Variants in KANK1 observed in about 807,000 individuals in gnomAD.
KANK1 encodes KN motif and ankyrin repeat domains 1.
Under a neutral mutation model 106.2 loss-of-function variants are expected in KANK1, and 109 were observed. The observed-to-expected ratio is 1.03, with a 90% CI of 0.88 to 1.20. The LOEUF is 1.20. KANK1 is among the 50% of genes most tolerant of loss of function. The pLI is 0.00. For missense variants in KANK1, 2,399 were observed against 1,710.7 expected (o/e 1.40, Z -7.10); for synonymous variants, 873 against 652.2 (o/e 1.34, Z -5.16).
intron 1 of KANK1, among the ~76,000 whole-genome samples, chr9:651,577 C>T (rs887247113): frequency 6.6e-6 from 1 of 152,226 alleles, no homozygotes; most frequent in Non-Finnish European, 1.5e-5. Context: ...GTTACCTTGG[C>T]TCCAACTCTG....
At chr9:474,124 C>T (rs2058065508) in intron 3 of KANK1, among the ~76,000 whole-genome samples, 1 of 152,166 alleles carries the variant, frequency 6.6e-6, no homozygotes, top group South Asian at 2.1e-4. Context: ...CCAAGCCTTC[C>T]TGAGTGTCAT....
chr9:647,637 C>T (rs1474475599), intron 1 of KANK1, among the ~76,000 whole-genome samples: 1 of 150,720 alleles, frequency 6.6e-6, no homozygotes, highest in African/African-American at 2.5e-5. Context: ...TCCATAGTGT[C>T]AAATGAGGGG....
At chr9:663,928 C>T (rs1843960204) in intron 1 of KANK1, among the ~76,000 whole-genome samples, 1 of 152,248 alleles carries the variant, frequency 6.6e-6, no homozygotes, top group South Asian at 2.1e-4. Flanking sequence ...CACAAGGAGG[C>T]AGATGCTCTC....
At chr9:512,652 T>G (rs910502231) in intron 1 of KANK1, among the ~76,000 whole-genome samples, 39 of 152,120 alleles carry the variant, frequency 2.6e-4, no homozygotes, top group African/African-American at 8.9e-4. Flanking sequence ...ACTTCCCTTT[T>G]GCCAAACTAT....
intron 1 of KANK1, among the ~76,000 whole-genome samples, chr9:530,698 G>C (rs1261822683): frequency 6.6e-6 from 1 of 152,178 alleles, no homozygotes; most frequent in Non-Finnish European, 1.5e-5. Context: ...ATTTAAAAAT[G>C]AATTATGTGG....
At chr9:606,347 A>T (rs1467915330) in intron 1 of KANK1, among the ~76,000 whole-genome samples, 2 of 148,980 alleles carry the variant, frequency 1.3e-5, no homozygotes, top group Non-Finnish European at 2.9e-5. Flanking sequence ...ACCTGAGGTC[A>T]GGAATTCGAG....
At position 545,724 on chromosome 9, in the gene KANK1, CTTTTTTTTT is replaced by C. The variant is rs61622402; in HGVS notation, c.-84+40989_-84+40997del. ...GCAGTACTGTTGGCCTGTACAGAGC[CTTTTTTTTT>C]TTTTTTTTTTTTTTTTTTAAATTCC... On this transcript the variant is annotated intron_variant, in intron 1 of 11. Coordinates refer to ENST00000382297, the MANE Select transcript of KANK1 (RefSeq NM_015158.5). 5.9e-4 allele frequency among the ~76,000 whole-genome samples: 61 copies of C among 102,670 alleles called. 1 individual carries two copies. Among genetic ancestry groups the C allele is most frequent in the African/African-American group, 7.0e-4 (17 of 24,288 alleles). 67.4% of individuals were successfully genotyped at this position (102,670 alleles called of 152,430 possible).
intron 7 of KANK1, among the ~76,000 whole-genome samples, chr9:735,054 C>G (rs1833404517): frequency 6.6e-6 from 1 of 152,196 alleles, no homozygotes; most frequent in African/African-American, 2.4e-5. Flanking sequence ...TTTACCCACC[C>G]TGGACTTTTC....
At chr9:511,648 C>A (rs972666223) in intron 1 of KANK1, among the ~76,000 whole-genome samples, 2 of 152,052 alleles carry the variant, frequency 1.3e-5, no homozygotes, top group Non-Finnish European at 2.9e-5. Flanking sequence ...TGCTGTTATT[C>A]CCTTAATTTT....
intron 3 of KANK1, among the ~76,000 whole-genome samples, chr9:723,276 C>T (rs985889089): frequency 1.3e-5 from 2 of 152,118 alleles, no homozygotes; most frequent in African/African-American, 4.8e-5. Context: ...CTTTAAAAAG[C>T]CCTAGTTTAC....
intron 1 of KANK1, among the ~76,000 whole-genome samples, chr9:587,189 G>C (rs1823705180): frequency 6.6e-6 from 1 of 152,068 alleles, no homozygotes; most frequent in Non-Finnish European, 1.5e-5. Flanking sequence ...TGTCATGTTT[G>C]TTTCCTTTAA....
At chr9:664,060 A>T (rs1379529713) in intron 1 of KANK1, among the ~76,000 whole-genome samples, 3 of 152,116 alleles carry the variant, frequency 2.0e-5, no homozygotes, top group African/African-American at 7.2e-5. Context: ...TAATTGAATC[A>T]TGGGGGCAGT....
At chr9:619,121 A>C (rs1313606459) in intron 1 of KANK1, among the ~76,000 whole-genome samples, 1 of 152,216 alleles carries the variant, frequency 6.6e-6, no homozygotes, top group African/African-American at 2.4e-5. Flanking sequence ...TACCCAGGTC[A>C]GTTAAAAGCT....
intron 2 of KANK1, among the ~76,000 whole-genome samples, chr9:678,488 G>A (rs1816846187): frequency 6.6e-6 from 1 of 152,086 alleles, no homozygotes; most frequent in African/African-American, 2.4e-5. Context: ...CAGCATTTTG[G>A]GAGGCCGAGG....
At chr9:647,630 A>C (rs1391356682) in intron 1 of KANK1, among the ~76,000 whole-genome samples, 1 of 150,876 alleles carries the variant, frequency 6.6e-6, no homozygotes, top group Admixed American at 6.6e-5. Flanking sequence ...GTGAGTATCC[A>C]TAGTGTCAAA....
chr9:572,425 TCCTGTAGTCCCAGCTA>T (rs1819444882), intron 1 of KANK1, among the ~76,000 whole-genome samples: 1 of 151,958 alleles, frequency 6.6e-6, no homozygotes, highest in African/African-American at 2.4e-5. Context: ...GGTAGTGGGT[TCCTGTAGTCCCAGCTA>T]CTCGGGAAGC....
chr9:742,462 C>G, intron 10 of KANK1, 57 bp downstream of exon 10: 1 of 1,411,064 alleles, frequency 7.1e-7, no homozygotes, highest in Non-Finnish European at 9.7e-7. Context: ...TGGACGGGAG[C>G]TCTGGGAGTG....
intron 10 of KANK1, among the ~76,000 whole-genome samples, chr9:742,818 C>T (rs1043578316): frequency 3.3e-5 from 5 of 152,170 alleles, no homozygotes; most frequent in Admixed American, 6.5e-5. Context: ...CCAGTTCCTA[C>T]TATAGTGAAC....
chr9:482,852 AT>A (rs1363115107), intron 3 of KANK1, among the ~76,000 whole-genome samples: 1 of 151,624 alleles, frequency 6.6e-6, no homozygotes, highest in Non-Finnish European at 1.5e-5. Flanking sequence ...TCCAGAAATA[AT>A]TCATAAATTT....
Sources: allele counts gnomAD v4.1 joint callset (sites outside exome capture counted in the v4.1 genomes callset), GRCh38; gene constraint gnomAD v4.1.1; transcripts MANE v1.5; gene names NCBI Gene and HGNC (gene_info 2026-07-23, HGNC 2026-07-21).